The following CRYBG1 variants were observed in gnomAD, a reference collection of about 807,000 sequenced individuals.
CRYBG1 encodes crystallin beta-gamma domain containing 1, also known as beta/gamma crystallin domain-containing protein 1.
Under a neutral mutation model 189.2 loss-of-function variants are expected in CRYBG1, and 139 were observed. The observed-to-expected ratio is 0.73, with a 90% CI of 0.64 to 0.85. CRYBG1 has a LOEUF of 0.85. Ranked by LOEUF, CRYBG1 falls within the 40% of genes least tolerant of loss-of-function variation. The pLI is 0.00. For synonymous variants in CRYBG1, 1,023 were observed against 1,017.1 expected, an observed-to-expected ratio of 1.01 and a Z score of -0.11; for missense variants, 2,611 against 2,675.8, an observed-to-expected ratio of 0.98 and a Z score of 0.53.
At chr6:106,363,848 T>C (rs1403804440) in intron 1 of CRYBG1, among the ~76,000 whole-genome samples, 1 of 152,220 alleles carries the variant, frequency 6.6e-6, no homozygotes, top group Admixed American at 6.5e-5. Context: ...TGAAAGTTTA[T>C]GTTATTAAGT....
rs978267352 is a variant in CRYBG1, at chr6:106,480,480, C to T, written c.312+28648C>T. ...GAGATTGAGACCATCCAGGCTAACACGGTATTTTTTTCTCTACTGAAAAAA... is the reference window on the plus strand; with the variant it reads ...GAGATTGAGACCATCCAGGCTAACATGGTATTTTTTTCTCTACTGAAAAAA... On this transcript the variant is annotated intron_variant, in intron 2 of 21. Transcript: ENST00000633556. Among the ~76,000 whole-genome samples the T allele has an allele frequency of 7.6e-5, 11 of 145,672 alleles. No individual in the cohort carries two copies. The Middle Eastern group carries it at 0.014, about 181-fold the overall frequency.
chr6:106,397,356 A>G (rs1045490318), intron 1 of CRYBG1, among the ~76,000 whole-genome samples: 2 of 152,184 alleles, frequency 1.3e-5, no homozygotes, highest in Admixed American at 1.3e-4. Context: ...AATGAATTAG[A>G]TCTCTAGAAC....
chr6:106,555,935 T>C (rs2066202), intron 17 of CRYBG1, 38 bp downstream of exon 17: 1,359,793 of 1,612,260 alleles, frequency 0.84, 579,286 homozygotes, highest in Non-Finnish European at 0.88. Flanking sequence ...CAGAAATGTA[T>C]GCCTCATATA....
chr6:106,456,299 A>T (rs967558629), intron 2 of CRYBG1, among the ~76,000 whole-genome samples: 2 of 149,942 alleles, frequency 1.3e-5, no homozygotes, highest in Non-Finnish European at 3.0e-5. Context: ...GATAACAGAC[A>T]TGTGCTACCA....
chr6:106,371,806 T>C (rs1770041881), intron 1 of CRYBG1, among the ~76,000 whole-genome samples: 1 of 152,258 alleles, frequency 6.6e-6, no homozygotes, highest in African/African-American at 2.4e-5. Context: ...CATTTTGTGA[T>C]TGTCGTAATG....
chr6:106,560,143 T>G (rs1488004982), intron 18 of CRYBG1, among the ~76,000 whole-genome samples: 1 of 152,192 alleles, frequency 6.6e-6, no homozygotes, highest in Non-Finnish European at 1.5e-5. Flanking sequence ...GTGATTTTTT[T>G]GCAGTAGGTT....
At position 106,525,396 on chromosome 6, in the gene CRYBG1, G is replaced by T. The variant is rs1773717586; in HGVS notation, c.4412+10G>T. 1.3e-6 allele frequency: 2 copies of T among 1,598,636 alleles called. No homozygotes were observed. Among genetic ancestry groups the T allele is most frequent in the African/African-American group, 2.7e-5 (2 of 74,590 alleles). ...AAGTTGTTAGAGGATGGTAAGAATG[G>T]CACTTTAAGTTCCTGATGTCAAGTG... On this transcript the variant is annotated intron_variant, in intron 6 of 21. Transcript: ENST00000633556.
chr6:106,452,171 C>T (rs544618575), intron 2 of CRYBG1, among the ~76,000 whole-genome samples: 23 of 145,422 alleles, frequency 1.6e-4, no homozygotes, highest in Middle Eastern at 3.6e-3. Context: ...TTTTTGGAGG[C>T]AGAGGCAGGC....
chr6:106,408,692 C>T (rs999207266), intron 1 of CRYBG1, among the ~76,000 whole-genome samples: 8 of 152,176 alleles, frequency 5.3e-5, no homozygotes, highest in Admixed American at 1.3e-4. Context: ...GGCTTCATCC[C>T]TGGGATGATG....
intron 2 of CRYBG1, among the ~76,000 whole-genome samples, chr6:106,497,688 G>A (rs11152998): frequency 0.14 from 21,391 of 152,284 alleles, 1,545 homozygotes; most frequent in East Asian, 0.16. Context: ...ATGTGTGACC[G>A]TTGGCAAATC....
chr6:106,390,572 G>A (rs1195189590), intron 1 of CRYBG1, among the ~76,000 whole-genome samples: 1 of 146,408 alleles, frequency 6.8e-6, no homozygotes, highest in Non-Finnish European at 1.5e-5. Flanking sequence ...TACTCCAGAA[G>A]GCTCTCTTGT....
intron 1 of CRYBG1, among the ~76,000 whole-genome samples, chr6:106,400,981 A>G (rs753011424): frequency 6.6e-6 from 1 of 152,196 alleles, no homozygotes; most frequent in Non-Finnish European, 1.5e-5. Flanking sequence ...CTTGCCAGCT[A>G]GTTGAGATAC....
intron 1 of CRYBG1, among the ~76,000 whole-genome samples, chr6:106,444,636 A>C (rs994447183): frequency 2.6e-5 from 4 of 152,212 alleles, no homozygotes; most frequent in African/African-American, 9.6e-5. Context: ...CATCAAAATC[A>C]ACATACTAGT....
rs772927389 is a variant in CRYBG1 at position 106,551,857 on chromosome 6, T to C, written c.5318T>C (p.Val1773Ala). The C allele has an allele frequency of 3.1e-6, 5 of 1,611,788 alleles. No homozygotes were observed. The highest frequency in any genetic ancestry group is 4.2e-6 in the Non-Finnish European group (5 of 1,178,594). Residue 1773 changes from valine to alanine, a missense_variant, in exon 14 of 22, where the codon GTA becomes GCA. Coordinates refer to ENST00000633556, the MANE Select transcript of CRYBG1 (RefSeq NM_001371242.2). ...QSINVLSGVW[V>A]AYENPDFTGE... The stretch of plus-strand genomic sequence containing the variant: ...TGATTGCTTTTGTTTCTTAGATGGG[T>C]AGCCTATGAAAATCCTGACTTCACA...
chr6:106,379,110 C>T (rs1190929046), intron 1 of CRYBG1, among the ~76,000 whole-genome samples: 2 of 152,092 alleles, frequency 1.3e-5, no homozygotes, highest in Admixed American at 6.5e-5. Context: ...GATCGCGCCA[C>T]TGCATTTCAG....
intron 2 of CRYBG1, among the ~76,000 whole-genome samples, chr6:106,453,027 G>T (rs9386545): frequency 1.3e-5 from 2 of 151,994 alleles, no homozygotes; most frequent in African/African-American, 2.4e-5. Context: ...ATATATTAAC[G>T]GTTTAAAAAA....
chr6:106,509,958 C>T (rs1303737238), intron 2 of CRYBG1, among the ~76,000 whole-genome samples: 5 of 152,052 alleles, frequency 3.3e-5, no homozygotes, highest in Admixed American at 2.6e-4. Flanking sequence ...TGCTTGTTGA[C>T]CTGTTAATTT....
Position 106,442,397 on chromosome 6 carries a change from T to G in CRYBG1, c.174-9297T>G, listed in dbSNP as rs548956773. On this transcript the variant is annotated intron_variant, in intron 1 of 21. Transcript: ENST00000633556. ...TCTTACTAATTGTTGCTGGCATGAG[T>G]TTTGGACTAGAGAGCTAAGGTGGGG... is the stretch of plus-strand genomic sequence containing the variant. Among the ~76,000 whole-genome samples the G allele has an allele frequency of 2.6e-5, 4 of 152,124 alleles. No individual in the cohort carries two copies. In the South Asian group the frequency reaches 8.3e-4, roughly 32 times the overall value.
intron 2 of CRYBG1, among the ~76,000 whole-genome samples, chr6:106,499,087 A>G (rs1772922830): frequency 7.2e-6 from 1 of 138,840 alleles, no homozygotes. Context: ...TGACTTTCAA[A>G]TGTAAATTTT....
Sources: gnomAD v4.1 joint callset for allele counts (sites outside exome capture counted in the v4.1 genomes callset) on GRCh38, gnomAD v4.1.1 for gene constraint, MANE v1.5 for transcripts, NCBI Gene and HGNC (gene_info 2026-07-23, HGNC 2026-07-21) for gene names.